VSIR: variants seen among roughly 807,000 people sequenced by gnomAD.
VSIR encodes the protein V-type immunoglobulin domain-containing suppressor of T-cell activation.
VSIR carries 10 observed loss-of-function variants against 31.0 expected under a neutral mutation model. That is an observed-to-expected ratio of 0.32 (90% CI 0.20 to 0.55). VSIR has a LOEUF of 0.55. Ranked by LOEUF, VSIR falls within the 20% of genes least tolerant of loss-of-function variation. VSIR has a pLI of 0.93. For synonymous variants in VSIR, 179 were observed against 180.1 expected, an observed-to-expected ratio of 0.99 and a Z score of 0.05; for missense variants, 356 against 416.2, an observed-to-expected ratio of 0.86 and a Z score of 1.26.
At position 71,751,049 on chromosome 10, in the gene VSIR, G is replaced by T; in HGVS notation, c.*204C>A. 1 of 588,504 alleles carries T rather than the reference G, an allele frequency of 1.7e-6. No homozygotes were observed. Among genetic ancestry groups the T allele is most frequent in the Admixed American group, 3.4e-5 (1 of 29,508 alleles). The allele number at this position is 588,504 out of a possible 1,614,324, so 36.5% of individuals were successfully genotyped here. The stretch of plus-strand genomic sequence containing the variant: ...GAATCTCAGCACCCCAAAATCCTTG[G>T]AACAGGGGCTGAGCCGTCCAGCATC... On this transcript the variant is annotated 3_prime_UTR_variant, in exon 7 of 7. Coordinates refer to ENST00000394957, the MANE Select transcript of VSIR (RefSeq NM_022153.2). This position sits in a 1 kb window ranked among gnomAD's most constrained non-coding sequence, Gnocchi z 4.9.
At chr10:71,770,759 C>T (rs1035275360) in intron 1 of VSIR, among the ~76,000 whole-genome samples, 4 of 152,176 alleles carry the variant, frequency 2.6e-5, no homozygotes, top group African/African-American at 9.7e-5. Context: ...CTGCCTGGAC[C>T]ACCCTCTCCC....
intron 3 of VSIR, among the ~76,000 whole-genome samples, chr10:71,758,610 G>C (rs1840210566): frequency 6.6e-6 from 1 of 152,232 alleles, no homozygotes; most frequent in Admixed American, 6.5e-5. Flanking sequence ...AAGCAGGCCT[G>C]CAGCCAGATC....
chr10:71,761,067 A>G (rs1376797613), intron 2 of VSIR, 143 bp from the exon 3 acceptor site: 2 of 771,738 alleles, frequency 2.6e-6, no homozygotes, highest in East Asian at 5.3e-5. Context: ...CAGCCTGCAC[A>G]CGTGTGCACC....
rs182069457 is a variant in VSIR, at chr10:71,759,575, C to T, written c.568+1293G>A. On this transcript the variant is annotated intron_variant, in intron 3 of 6. Transcript: ENST00000394957. ...CTGTAATCCCAGCACTTTGGGAGGCCGAGGCAGTTAGATCATTTGTCAGTA... is the reference window on the plus strand; with the variant it reads ...CTGTAATCCCAGCACTTTGGGAGGCTGAGGCAGTTAGATCATTTGTCAGTA... 2.9e-3 allele frequency among the ~76,000 whole-genome samples: 445 copies of T among 151,512 alleles called. 7 individuals are homozygous for T. Among genetic ancestry groups the T allele is most frequent in the Admixed American group, 0.025 (381 of 15,200 alleles).
At position 71,758,210 on chromosome 10, in the gene VSIR, A is replaced by G. The variant is rs527488360; in HGVS notation, c.568+2658T>C. On this transcript the variant is annotated intron_variant, in intron 3 of 6. Coordinates refer to ENST00000394957, the MANE Select transcript of VSIR (RefSeq NM_022153.2). ...CTTGGCCTGTTTGTTGGTTTGAAAA[A>G]AGGGTAGCTGAGTAAAAAGTCACTG... is the stretch of plus-strand genomic sequence containing the variant. 2.0e-5 allele frequency among the ~76,000 whole-genome samples: 3 copies of G among 152,252 alleles called. No individual in the cohort carries two copies. The East Asian group carries it at 5.8e-4, about 29-fold the overall frequency.
At chr10:71,762,520 G>T (rs1050199432) in intron 1 of VSIR, among the ~76,000 whole-genome samples, 17 of 152,380 alleles carry the variant, frequency 1.1e-4, no homozygotes, top group African/African-American at 4.1e-4. Context: ...GCCAGGTGCT[G>T]CATCTCACCT....
In VSIR at chr10:71,760,775, G is replaced by A. The variant is rs145409576; in HGVS notation, c.568+93C>T. ...GACCGGGGGGTTCTGAGGGCTTGGG[G>A]TGATGAGGCCAGAGTTCCAAACAGG... On this transcript the variant is annotated intron_variant, in intron 3 of 6. Coordinates refer to ENST00000394957, the MANE Select transcript of VSIR (RefSeq NM_022153.2). 6.6e-6 allele frequency: 8 copies of A among 1,212,852 alleles called. No homozygotes were observed. The Admixed American group carries it at 1.0e-4, about 15-fold the overall frequency. The allele number at this position is 1,212,852 out of a possible 1,614,324, so 75.1% of individuals were successfully genotyped here. A position where few individuals can be genotyped will look rare whatever the true frequency, so the allele number is the denominator to read the frequency against.
chr10:71,763,214 C>A (rs1367769287), intron 1 of VSIR, among the ~76,000 whole-genome samples: 1 of 152,204 alleles, frequency 6.6e-6, no homozygotes, highest in Non-Finnish European at 1.5e-5. Flanking sequence ...CCCTCTGTTG[C>A]CCAGGCTGAC....
intron 4 of VSIR, among the ~76,000 whole-genome samples, chr10:71,754,852 G>A (rs550873863): frequency 2.8e-4 from 42 of 152,256 alleles, no homozygotes; most frequent in African/African-American, 8.7e-4. Flanking sequence ...ACTAAGTTAC[G>A]TAACATTCAG....
intron 3 of VSIR, among the ~76,000 whole-genome samples, chr10:71,759,988 TAC>T (rs1277745859): frequency 0.027 from 1,770 of 65,664 alleles, 390 homozygotes; most frequent in Non-Finnish European, 0.041. Context: ...CACATATATA[TAC>T]ACACACACAT....
At chr10:71,752,730 G>A (rs75964469) in intron 5 of VSIR, among the ~76,000 whole-genome samples, 1 of 152,118 alleles carries the variant, frequency 6.6e-6, no homozygotes, top group Admixed American at 6.5e-5. Context: ...CCTGGCCCAG[G>A]CTGACCACTG....
intron 3 of VSIR, among the ~76,000 whole-genome samples, chr10:71,759,846 C>CACACACACACACACAT (rs776230069): frequency 0.06 from 3,574 of 59,716 alleles, 392 homozygotes; most frequent in Non-Finnish European, 0.087. Flanking sequence ...CACACACACA[C>CACACACACACACACAT]ATATACACAC....
chr10:71,754,219 G>A (rs1049868110), intron 4 of VSIR, among the ~76,000 whole-genome samples: 1 of 152,126 alleles, frequency 6.6e-6, no homozygotes, highest in African/African-American at 2.4e-5. Context: ...CCAGCCATGG[G>A]TATTCCTGCA....
Position 71,751,731 on chromosome 10 carries a change from G to C in VSIR, c.835C>G (p.Leu279Val). The C allele has an allele frequency of 6.3e-7, 1 of 1,588,518 alleles. No individual in the cohort carries two copies. Among genetic ancestry groups the C allele is most frequent in the Non-Finnish European group, 8.6e-7 (1 of 1,168,610 alleles). ...RQPSESGRHLLSEPSTPLSPP... is the reference protein window; with the variant it reads ...RQPSESGRHLVSEPSTPLSPP... ...GACAGGGGGGTGCTGGGCTCCGAAAGCAGATGCCGCCCAGACTCAGAAGGC... is the reference window on the plus strand; with the variant it reads ...GACAGGGGGGTGCTGGGCTCCGAAACCAGATGCCGCCCAGACTCAGAAGGC... Residue 279 changes from leucine (L) to valine (V), a missense_variant, in exon 6 of 7, where the codon CTT becomes GTT. Physicochemically the swap from Leu to Val is conservative, Grantham distance 32. Coordinates refer to ENST00000394957, the MANE Select transcript of VSIR (RefSeq NM_022153.2). The surrounding 1 kb of genome is among the most constrained non-coding windows in gnomAD (Gnocchi z 4.9).
In VSIR at chr10:71,755,506, C is replaced by A. The variant is rs530406926; in HGVS notation, c.569-40G>T. 7 of 1,553,530 alleles carry A rather than the reference C, an allele frequency of 4.5e-6. No individual in the cohort carries two copies. In the East Asian group the frequency reaches 1.6e-4, roughly 36 times the overall value. On this transcript the variant is annotated intron_variant, in intron 3 of 6. Coordinates refer to ENST00000394957, the MANE Select transcript of VSIR (RefSeq NM_022153.2). ...AGGTAGCCAAGGTGAAGCCCCATTC[C>A]CATTGCTCCTCCTGAGCATAAACTG...
rs1839987422 is a variant in VSIR at position 71,751,175 on chromosome 10, G to A, written c.*78C>T. The A allele has an allele frequency of 1.3e-6, 2 of 1,509,740 alleles. No individual in the cohort carries two copies. The highest frequency in any genetic ancestry group is 9.0e-7 in the Non-Finnish European group (1 of 1,109,856). The allele number at this position is 1,509,740 out of a possible 1,614,324, so 93.5% of individuals were successfully genotyped here. ...GGGAACCAGGGCCGAGGCCAAGGAG[G>A]CCACTCACAGAGCCAGCCCTGGCTC... On this transcript the variant is annotated 3_prime_UTR_variant, in exon 7 of 7. Transcript: ENST00000394957. This position sits in a 1 kb window ranked among gnomAD's most constrained non-coding sequence, Gnocchi z 4.9.
intron 3 of VSIR, among the ~76,000 whole-genome samples, chr10:71,759,846 C>CACACATAT (rs776230069): frequency 1.2e-4 from 7 of 59,932 alleles, no homozygotes; most frequent in East Asian, 8.1e-4. Flanking sequence ...CACACACACA[C>CACACATAT]ATATACACAC....
chr10:71,752,456 C>T (rs1184264950), intron 5 of VSIR, among the ~76,000 whole-genome samples: 1 of 152,206 alleles, frequency 6.6e-6, no homozygotes, highest in Non-Finnish European at 1.5e-5. Flanking sequence ...AACACACCCT[C>T]CAGGCCAGGC....
intron 1 of VSIR, 104 bp from the exon 2 acceptor site, chr10:71,762,130 G>A: frequency 7.5e-7 from 1 of 1,328,660 alleles, no homozygotes; most frequent in Non-Finnish European, 1.0e-6. Context: ...CCAGCCACAG[G>A]CCAGGGGCAT....
Sources: allele counts gnomAD v4.1 joint callset (sites outside exome capture counted in the v4.1 genomes callset), GRCh38; gene constraint gnomAD v4.1.1; non-coding constraint Gnocchi (gnomAD v3.1); transcripts MANE v1.5; gene names NCBI Gene and HGNC (gene_info 2026-07-23, HGNC 2026-07-21).